NCOA7: variants seen among roughly 807,000 people sequenced by gnomAD.
NCOA7 encodes nuclear receptor coactivator 7.
A neutral mutation model predicts 104.3 loss-of-function variants in NCOA7; 45 were observed. That is an observed-to-expected ratio of 0.43 (90% CI 0.34 to 0.55). NCOA7 has a LOEUF of 0.55. NCOA7 is among the 20% of genes least tolerant of loss of function. The pLI, the probability that NCOA7 is intolerant of heterozygous loss-of-function variation, is 0.02. For synonymous variants in NCOA7, 398 were observed against 402.3 expected, an observed-to-expected ratio of 0.99 and a Z score of 0.13; for missense variants, 1,041 against 1,119.7, an observed-to-expected ratio of 0.93 and a Z score of 1.00.
At chr6:125,858,422 A>C (rs902524383) in intron 3 of NCOA7, among the ~76,000 whole-genome samples, 17 of 152,032 alleles carry the variant, frequency 1.1e-4, no homozygotes, top group African/African-American at 3.9e-4. Flanking sequence ...TAGGAGGATC[A>C]CTGGAGGCCA....
At chr6:125,826,765 C>T (rs944598813) in intron 2 of NCOA7, among the ~76,000 whole-genome samples, 9 of 152,114 alleles carry the variant, frequency 5.9e-5, no homozygotes, top group Admixed American at 3.9e-4. Context: ...CACAATGTCA[C>T]AGACTGGGTA....
At chr6:125,788,624 AT>A (rs1774583789), upstream of NCOA7, among the ~76,000 whole-genome samples, 3 of 149,610 alleles carry the variant, frequency 2.0e-5, no homozygotes, top group East Asian at 5.9e-4. Context: ...CAACCTCTGC[AT>A]CCCGGTTTCT....
upstream of NCOA7, among the ~76,000 whole-genome samples, chr6:125,789,772 G>A (rs1158706210): frequency 6.6e-6 from 1 of 152,218 alleles, no homozygotes; most frequent in Admixed American, 6.5e-5. Context: ...GCCTTCCAGA[G>A]AGGTTATTAC....
intron 12 of NCOA7, among the ~76,000 whole-genome samples, chr6:125,921,562 A>C (rs566289333): frequency 6.7e-4 from 102 of 152,318 alleles, no homozygotes; most frequent in Non-Finnish European, 1.3e-3. Flanking sequence ...CTGACTTCTT[A>C]GTAGTATGAG....
At chr6:125,804,095 A>G (rs757789390) in intron 1 of NCOA7, among the ~76,000 whole-genome samples, 1 of 152,126 alleles carries the variant, frequency 6.6e-6, no homozygotes, top group Non-Finnish European at 1.5e-5. Flanking sequence ...GGATAATGAG[A>G]TTGAGTTCTG....
chr6:125,838,689 A>G (rs1779842227), intron 2 of NCOA7, among the ~76,000 whole-genome samples: 1 of 152,148 alleles, frequency 6.6e-6, no homozygotes, highest in African/African-American at 2.4e-5. Flanking sequence ...CTCAGACTCC[A>G]CAGATTTAAG....
chr6:125,802,585 A>C (rs1476026993), intron 1 of NCOA7: 1 of 152,244 alleles, frequency 6.6e-6, no homozygotes, highest in Non-Finnish European at 1.5e-5. Context: ...CACATGAAAA[A>C]TCAGATGGGG....
At chr6:125,823,440 T>C (rs1257913990) in intron 2 of NCOA7, among the ~76,000 whole-genome samples, 4 of 152,224 alleles carry the variant, frequency 2.6e-5, no homozygotes. Flanking sequence ...AAAAAGCTGC[T>C]AGTACCTTAT....
At chr6:125,861,034 T>G (rs1329946460) in intron 3 of NCOA7, among the ~76,000 whole-genome samples, 2 of 152,242 alleles carry the variant, frequency 1.3e-5, no homozygotes, top group African/African-American at 4.8e-5. Flanking sequence ...GTCAAAGATT[T>G]ATTTAAAGAG....
At chr6:125,857,415 A>ATAT (rs1353086986) in intron 3 of NCOA7, among the ~76,000 whole-genome samples, 10 of 147,174 alleles carry the variant, frequency 6.8e-5, no homozygotes, top group Admixed American at 2.7e-4. Context: ...ATATATACAC[A>ATAT]TACACACACA....
intron 10 of NCOA7, among the ~76,000 whole-genome samples, chr6:125,897,390 T>A (rs1785118059): frequency 1.3e-5 from 2 of 152,338 alleles, no homozygotes; most frequent in Admixed American, 1.3e-4. Context: ...CATAGTTAAA[T>A]ATGTTTCATA....
rs895719202 is a variant in NCOA7 at position 125,919,813 on chromosome 6, A to T, written c.2245-1130A>T. On this transcript the variant is annotated intron_variant, in intron 11 of 15. Coordinates refer to ENST00000392477, the MANE Select transcript of NCOA7 (RefSeq NM_181782.5). ...ATTTTCTTACTTGTAAATCTGGCTC[A>T]GACGCCAGCGGGTACTTTGTATCTG... is the stretch of plus-strand genomic sequence containing the variant. Among the ~76,000 whole-genome samples, 64 of 152,236 alleles carry T rather than the reference A, an allele frequency of 4.2e-4. 1 individual carries two copies. The highest frequency in any genetic ancestry group is 1.5e-3 in the African/African-American group (61 of 41,458).
chr6:125,854,112 A>C (rs1229221879), intron 2 of NCOA7, among the ~76,000 whole-genome samples: 2 of 152,238 alleles, frequency 1.3e-5, no homozygotes, highest in Non-Finnish European at 2.9e-5. Context: ...CTTTCTATCT[A>C]GGCACAGGGA....
chr6:125,830,745 GTGTGTGTGTGTGTGTA>G (rs1018640056), intron 2 of NCOA7, among the ~76,000 whole-genome samples: 44 of 148,278 alleles, frequency 3.0e-4, no homozygotes, highest in Middle Eastern at 3.5e-3. Context: ...ATATGTGTGT[GTGTGTGTGTGTGTGTA>G]TGTGTGTGTG....
intron 10 of NCOA7, among the ~76,000 whole-genome samples, chr6:125,891,458 A>G (rs1442104989): frequency 6.6e-6 from 1 of 152,238 alleles, no homozygotes; most frequent in Non-Finnish European, 1.5e-5. Flanking sequence ...TTCTTTTTAG[A>G]AAACAATTAA....
At chr6:125,862,711 A>C (rs1472586532) in intron 3 of NCOA7, among the ~76,000 whole-genome samples, 1 of 138,324 alleles carries the variant, frequency 7.2e-6, no homozygotes, top group Admixed American at 6.9e-5. Context: ...GGCAAAAACT[A>C]CTTTACCTGT....
intron 1 of NCOA7, among the ~76,000 whole-genome samples, chr6:125,792,338 G>A (rs1774934343): frequency 1.3e-5 from 2 of 152,194 alleles, no homozygotes; most frequent in African/African-American, 2.4e-5. Context: ...TCAAGGTTAT[G>A]AGGTAATTCT....
intron 3 of NCOA7, among the ~76,000 whole-genome samples, chr6:125,865,464 A>G (rs1583412258): frequency 7.4e-6 from 1 of 135,618 alleles, no homozygotes; most frequent in Non-Finnish European, 1.6e-5. Flanking sequence ...CAGAGTTCAT[A>G]TTGAGTATAG....
rs574173517 is a variant in NCOA7, at chr6:125,846,002, A to G, written c.51-9018A>G. Among the ~76,000 whole-genome samples the G allele has an allele frequency of 3.1e-4, 47 of 152,214 alleles. No individual in the cohort carries two copies. The South Asian group carries it at 9.3e-3, about 30-fold the overall frequency. ...TTTTATATTAGTACTCTATTTCCCT[A>G]CAGAGGCGATTTTAAGGAGAAAGTT... On this transcript the variant is annotated intron_variant, in intron 2 of 15. Transcript: ENST00000392477.
Sources: gnomAD v4.1 joint callset for allele counts (sites outside exome capture counted in the v4.1 genomes callset) on GRCh38, gnomAD v4.1.1 for gene constraint, MANE v1.5 for transcripts, NCBI Gene and HGNC (gene_info 2026-07-23, HGNC 2026-07-21) for gene names.